Variants in ZFAT observed in about 807,000 individuals in gnomAD.
ZFAT encodes zinc finger protein ZFAT.
In ZFAT, 64 loss-of-function variants were observed where a neutral mutation model predicts 117.7. That is an observed-to-expected ratio of 0.54 (90% CI 0.44 to 0.67). The LOEUF (loss-of-function observed/expected upper bound fraction) is 0.67, where lower values mean the gene tolerates loss of function less well. Among genes scored for constraint, ZFAT ranks in the 30% least tolerant of loss-of-function variants. ZFAT has a pLI of 0.00. For synonymous variants in ZFAT, 679 were observed against 615.0 expected, an observed-to-expected ratio of 1.10 and a Z score of -1.54; for missense variants, 1,433 against 1,584.5, an observed-to-expected ratio of 0.90 and a Z score of 1.62.
intron 11 of ZFAT, among the ~76,000 whole-genome samples, chr8:134,548,891 G>A (rs551093611): frequency 4.1e-4 from 62 of 152,342 alleles, no homozygotes; most frequent in African/African-American, 1.4e-3. Context: ...ACCACAGCCA[G>A]TGGAGCACTG....
At chr8:134,605,083 A>G (rs1370197873) in intron 5 of ZFAT, among the ~76,000 whole-genome samples, 1 of 152,184 alleles carries the variant, frequency 6.6e-6, no homozygotes, top group East Asian at 1.9e-4. Flanking sequence ...GTTCCCCTCG[A>G]GGATAGTGAG....
the ZFAT span, among the ~76,000 whole-genome samples, chr8:134,816,672 T>C: frequency 1.3e-5 from 2 of 152,060 alleles, no homozygotes; most frequent in African/African-American, 4.8e-5. Context: ...CTAGCATCAA[T>C]CAGAAACTGA....
At chr8:134,795,726 T>C in the ZFAT span, 6 of 152,238 alleles carry the variant, frequency 3.9e-5, no homozygotes, top group Admixed American at 1.3e-4. Context: ...CTCTGTGATA[T>C]AAGTTTTAAT....
intron 11 of ZFAT, among the ~76,000 whole-genome samples, chr8:134,547,764 G>A (rs181406746): frequency 6.6e-6 from 1 of 152,336 alleles, no homozygotes; most frequent in East Asian, 1.9e-4. Context: ...AGGGCTCCTG[G>A]TGGGCTGCAG....
the ZFAT span, among the ~76,000 whole-genome samples, chr8:134,729,997 T>C: frequency 0.75 from 114,470 of 152,166 alleles, 44,255 homozygotes; most frequent in Non-Finnish European, 0.85. Context: ...CTCCTCCCTG[T>C]CTTTGCATTT....
the ZFAT span, among the ~76,000 whole-genome samples, chr8:134,763,648 T>G: frequency 6.6e-6 from 1 of 152,232 alleles, no homozygotes; most frequent in African/African-American, 2.4e-5. Flanking sequence ...ATACTCATTA[T>G]TATATCCTCG....
At chr8:134,746,352 A>G in the ZFAT span, among the ~76,000 whole-genome samples, 1 of 152,224 alleles carries the variant, frequency 6.6e-6, no homozygotes, top group Non-Finnish European at 1.5e-5. Context: ...AGATGCCCCA[A>G]ATTGAAGACT....
chr8:134,508,010 A>C (rs1387486948), intron 15 of ZFAT, among the ~76,000 whole-genome samples: 1 of 152,220 alleles, frequency 6.6e-6, no homozygotes, highest in Admixed American at 6.5e-5. Flanking sequence ...TTAGCCTGGA[A>C]GTGTATGAAT....
chr8:134,826,310 A>G, the ZFAT span, among the ~76,000 whole-genome samples: 1 of 152,238 alleles, frequency 6.6e-6, no homozygotes, highest in East Asian at 1.9e-4. Flanking sequence ...ACTTCTTTCA[A>G]CTACAAAAGT....
chr8:134,761,982 A>ATGTGTGTGTG, the ZFAT span, among the ~76,000 whole-genome samples: 10,179 of 147,166 alleles, frequency 0.069, 422 homozygotes, highest in Middle Eastern at 0.15. Context: ...TTCTCTCTGT[A>ATGTGTGTGTG]TGTGTGTGTG....
At chr8:134,517,366 A>T (rs1204721438) in intron 13 of ZFAT, among the ~76,000 whole-genome samples, 1 of 152,106 alleles carries the variant, frequency 6.6e-6, no homozygotes, top group Non-Finnish European at 1.5e-5. Context: ...CATCCCTTCC[A>T]TCTTGCTCTC....
chr8:134,688,707 A>G (rs1001832651), intron 1 of ZFAT, among the ~76,000 whole-genome samples: 7 of 152,112 alleles, frequency 4.6e-5, no homozygotes, highest in African/African-American at 1.7e-4. Context: ...GGTCCCACAC[A>G]TGCCACCTTC....
intron 1 of ZFAT, among the ~76,000 whole-genome samples, chr8:134,678,715 A>AAT (rs1832923402): frequency 6.6e-6 from 1 of 152,206 alleles, no homozygotes; most frequent in Non-Finnish European, 1.5e-5. Context: ...CAACCAAAAC[A>AAT]GCATGTTACT....
At chr8:134,712,741 C>CGGCCGGCG (rs1368410218) in intron 1 of ZFAT, 104 bp downstream of exon 1, 3 of 1,170,388 alleles carry the variant, frequency 2.6e-6, no homozygotes, top group Admixed American at 4.0e-5. Context: ...CGGCGGCCGG[C>CGGCCGGCG]GGCCGGCGCA....
chr8:134,507,473 T>C (rs1819501131), intron 15 of ZFAT, among the ~76,000 whole-genome samples: 1 of 152,064 alleles, frequency 6.6e-6, no homozygotes, highest in Non-Finnish European at 1.5e-5. Flanking sequence ...GGGGAACATT[T>C]CCAAATGCAG....
chr8:134,600,777 T>G, intron 6 of ZFAT, 109 bp from the exon 7 acceptor site: 2 of 863,300 alleles, frequency 2.3e-6, no homozygotes, highest in Non-Finnish European at 3.4e-6. Context: ...CTCTTGCGCT[T>G]GTCCGGGTCA....
intron 10 of ZFAT, among the ~76,000 whole-genome samples, chr8:134,575,865 C>T (rs962128461): frequency 6.6e-6 from 1 of 152,206 alleles, no homozygotes. Flanking sequence ...GTGATTTATG[C>T]AGTGGCAAAT....
Position 134,667,473 on chromosome 8 carries a change from A to T in ZFAT, c.20-9736T>A, listed in dbSNP as rs193232792. ...GCACCACTGCACTCCAGCCTGGGCG[A>T]CAGAGTGAGACTAAGTCTCAAAAAA... On this transcript the variant is annotated intron_variant, in intron 1 of 15. Transcript: ENST00000377838. 8.8e-3 allele frequency among the ~76,000 whole-genome samples: 1,241 copies of T among 141,202 alleles called. 14 individuals are homozygous for T. Among genetic ancestry groups the T allele is most frequent in the African/African-American group, 0.031 (1,190 of 38,124 alleles). 92.6% of individuals were successfully genotyped at this position (141,202 alleles called of 152,430 possible).
At chr8:134,566,393 C>CAA (rs57041885) in intron 10 of ZFAT, among the ~76,000 whole-genome samples, 58 of 77,246 alleles carry the variant, frequency 7.5e-4, no homozygotes, top group Non-Finnish European at 9.1e-4. Context: ...GACTCCAACT[C>CAA]AAAAAAAAAA....
Sources: gnomAD v4.1 joint callset for allele counts (sites outside exome capture counted in the v4.1 genomes callset) on GRCh38, gnomAD v4.1.1 for gene constraint, MANE v1.5 for transcripts, NCBI Gene and HGNC (gene_info 2026-07-23, HGNC 2026-07-21) for gene names.